RGS7BP: variants seen among roughly 807,000 people sequenced by gnomAD.
RGS7BP encodes regulator of G protein signaling 7 binding protein, also known as regulator of G protein signaling 7-binding protein.
Under a neutral mutation model 31.3 loss-of-function variants are expected in RGS7BP, and 9 were observed. That is an observed-to-expected ratio of 0.29 (90% CI 0.17 to 0.50). The LOEUF is 0.50. RGS7BP is among the 20% of genes least tolerant of loss of function. The pLI is 0.98. For synonymous variants in RGS7BP, 115 were observed against 120.1 expected (o/e 0.96, Z 0.28); for missense variants, 274 against 322.0 (o/e 0.85, Z 1.14).
chr5:64,594,384 C>T (rs78440094), intron 3 of RGS7BP, among the ~76,000 whole-genome samples: 2,086 of 152,234 alleles, frequency 0.014, 44 homozygotes, highest in African/African-American at 0.048. Flanking sequence ...ATCCCCCCTC[C>T]TGAGCTAACT....
At chr5:64,537,986 A>G (rs992522256) in intron 2 of RGS7BP, among the ~76,000 whole-genome samples, 2 of 152,214 alleles carry the variant, frequency 1.3e-5, no homozygotes, top group African/African-American at 2.4e-5. Flanking sequence ...CTAATGTTTC[A>G]TCCAAGTAAA....
chr5:64,551,068 C>G (rs1741782788), intron 2 of RGS7BP, among the ~76,000 whole-genome samples: 1 of 151,634 alleles, frequency 6.6e-6, no homozygotes, highest in Non-Finnish European at 1.5e-5. Context: ...TGAATGCTGG[C>G]TCAACTGAGG....
chr5:64,573,035 T>C (rs571852286), intron 2 of RGS7BP, among the ~76,000 whole-genome samples: 1 of 142,986 alleles, frequency 7.0e-6, no homozygotes, highest in South Asian at 2.3e-4. Flanking sequence ...TTTCTCATTG[T>C]TCAATTCCCA....
At chr5:64,601,129 G>T (rs1007914531) in intron 5 of RGS7BP, among the ~76,000 whole-genome samples, 1 of 152,060 alleles carries the variant, frequency 6.6e-6, no homozygotes, top group Non-Finnish European at 1.5e-5. Flanking sequence ...TGATTCTAAC[G>T]GGATGAAAAC....
intron 2 of RGS7BP, among the ~76,000 whole-genome samples, chr5:64,538,546 CTTTTT>C (rs1191560944): frequency 1.0e-4 from 4 of 40,036 alleles, no homozygotes; most frequent in African/African-American, 1.1e-4. Context: ...TTTTCCTTTT[CTTTTT>C]TTTTTTTTTT....
At chr5:64,530,420 T>C (rs965965619) in intron 2 of RGS7BP, among the ~76,000 whole-genome samples, 1 of 152,252 alleles carries the variant, frequency 6.6e-6, no homozygotes, top group Non-Finnish European at 1.5e-5. Context: ...GCTTTCGTGA[T>C]AAAAATAATC....
At chr5:64,546,604 A>T (rs1347065391) in intron 2 of RGS7BP, among the ~76,000 whole-genome samples, 1 of 152,206 alleles carries the variant, frequency 6.6e-6, no homozygotes, top group East Asian at 1.9e-4. Flanking sequence ...AGGTGAACTC[A>T]GACATCTTTG....
intron 2 of RGS7BP, among the ~76,000 whole-genome samples, chr5:64,509,517 C>T (rs1012662348): frequency 4.6e-5 from 7 of 152,054 alleles, no homozygotes; most frequent in Non-Finnish European, 8.8e-5. Context: ...AGGTCTGAAA[C>T]TATTGACTAA....
chr5:64,576,944 C>T (rs1485729731), intron 3 of RGS7BP, among the ~76,000 whole-genome samples: 2 of 152,030 alleles, frequency 1.3e-5, no homozygotes, highest in Non-Finnish European at 2.9e-5. Flanking sequence ...TAATCCTTGC[C>T]TATGATTTAA....
At chr5:64,573,144 G>T (rs1331303084) in intron 2 of RGS7BP, among the ~76,000 whole-genome samples, 1 of 151,630 alleles carries the variant, frequency 6.6e-6, no homozygotes, top group Non-Finnish European at 1.5e-5. Flanking sequence ...CAAAGGACAT[G>T]AACTCATCAT....
At chr5:64,568,658 CT>C (rs1348585065) in intron 2 of RGS7BP, among the ~76,000 whole-genome samples, 1 of 152,046 alleles carries the variant, frequency 6.6e-6, no homozygotes, top group Non-Finnish European at 1.5e-5. Flanking sequence ...TTATTCCCAA[CT>C]TTCCCCAGTA....
At chr5:64,605,709 A>G (rs1488829438) in intron 5 of RGS7BP, among the ~76,000 whole-genome samples, 1 of 152,052 alleles carries the variant, frequency 6.6e-6, no homozygotes, top group Non-Finnish European at 1.5e-5. Context: ...CAAAGGTCTC[A>G]CAAATGTGCA....
At chr5:64,527,518 A>G (rs995386941) in intron 2 of RGS7BP, among the ~76,000 whole-genome samples, 1 of 149,408 alleles carries the variant, frequency 6.7e-6, no homozygotes, top group Admixed American at 6.8e-5. Flanking sequence ...CAATTCCCTG[A>G]CCACTCTTGG....
chr5:64,611,819 T>A lies in RGS7BP; in HGVS notation c.*2567T>A, dbSNP rs1168570036. On this transcript the variant is annotated 3_prime_UTR_variant, in exon 6 of 6. Transcript: ENST00000334025. ...GTCTCACATTAGACAGGCCAATGCA[T>A]CCCTTAGGAGCTGCCCCACTCTCCT... is the stretch of plus-strand genomic sequence containing the variant. The A allele has an allele frequency of 6.6e-6, 1 of 151,972 alleles. No homozygotes were observed. Among genetic ancestry groups the A allele is most frequent in the Non-Finnish European group, 1.5e-5 (1 of 67,868 alleles). The allele number at this position is 151,972 out of a possible 1,614,324, so 9.4% of individuals were successfully genotyped here. A position where few individuals can be genotyped will look rare whatever the true frequency, so the allele number is the denominator to read the frequency against.
At chr5:64,507,615 A>G (rs1021259078) in intron 1 of RGS7BP, 96 bp from the exon 2 acceptor site, 2 of 1,126,104 alleles carry the variant, frequency 1.8e-6, no homozygotes, top group South Asian at 3.4e-5. Flanking sequence ...GAGCTGACTC[A>G]GGGGTCAGTG....
intron 2 of RGS7BP, among the ~76,000 whole-genome samples, chr5:64,530,729 A>G (rs1191486790): frequency 6.6e-6 from 1 of 152,092 alleles, no homozygotes; most frequent in Non-Finnish European, 1.5e-5. Flanking sequence ...GTTATTAATC[A>G]GTAATTCAGG....
At chr5:64,554,200 G>T (rs75422501) in intron 2 of RGS7BP, among the ~76,000 whole-genome samples, 3 of 152,086 alleles carry the variant, frequency 2.0e-5, no homozygotes, top group African/African-American at 7.2e-5. Context: ...TTATTCTCCC[G>T]TTTCCCTCTC....
chr5:64,569,590 C>T (rs904405899), intron 2 of RGS7BP, among the ~76,000 whole-genome samples: 6 of 152,196 alleles, frequency 3.9e-5, no homozygotes, highest in East Asian at 3.9e-4. Context: ...TGGGTTTACA[C>T]ACACATTTGT....
chr5:64,569,712 TGG>T (rs1206723871), intron 2 of RGS7BP, among the ~76,000 whole-genome samples: 5 of 152,180 alleles, frequency 3.3e-5, no homozygotes, highest in African/African-American at 1.2e-4. Flanking sequence ...TCACTGAGGT[TGG>T]CACTGAATTA....
Sources: gnomAD v4.1 joint callset for allele counts (sites outside exome capture counted in the v4.1 genomes callset) on GRCh38, gnomAD v4.1.1 for gene constraint, MANE v1.5 for transcripts, NCBI Gene and HGNC (gene_info 2026-07-23, HGNC 2026-07-21) for gene names.